The following MSI2 variants were observed in gnomAD, a reference collection of about 807,000 sequenced individuals.
MSI2 encodes musashi RNA binding protein 2.
A neutral mutation model predicts 45.6 loss-of-function variants in MSI2; 17 were observed. The observed-to-expected ratio is 0.37, with a 90% confidence interval of 0.26 to 0.56. The LOEUF is 0.56. Among genes scored for constraint, MSI2 ranks in the 20% least tolerant of loss-of-function variants. The pLI, the probability that MSI2 is intolerant of heterozygous loss-of-function variation, is 0.77. For missense variants in MSI2, 293 were observed against 444.2 expected, an observed-to-expected ratio of 0.66 and a Z score of 3.06; for synonymous variants, 156 against 158.2, an observed-to-expected ratio of 0.99 and a Z score of 0.11.
intron 5 of MSI2, among the ~76,000 whole-genome samples, chr17:57,387,745 G>A (rs973083748): frequency 1.3e-5 from 2 of 152,088 alleles, no homozygotes; most frequent in Admixed American, 6.6e-5. Context: ...TCCTTCTGTT[G>A]TTTAGCCTAT....
intron 5 of MSI2, chr17:57,264,607 C>T (rs1907609865): frequency 6.6e-6 from 1 of 152,212 alleles, no homozygotes; most frequent in Non-Finnish European, 1.5e-5. Flanking sequence ...ATTTATATGC[C>T]AGGCACTATT....
intron 6 of MSI2, among the ~76,000 whole-genome samples, chr17:57,509,717 A>T (rs1171271022): frequency 6.6e-6 from 1 of 150,914 alleles, no homozygotes; most frequent in Non-Finnish European, 1.5e-5. Context: ...CACCATGCCC[A>T]GCTGGTTGCT....
chr17:57,263,491 G>GC (rs1907504490), intron 5 of MSI2: 1 of 152,162 alleles, frequency 6.6e-6, no homozygotes, highest in Admixed American at 6.5e-5. Context: ...ATTTCAGAGG[G>GC]CTTCCCAGAG....
At chr17:57,600,211 G>A (rs1025798998) in intron 8 of MSI2, among the ~76,000 whole-genome samples, 1 of 152,258 alleles carries the variant, frequency 6.6e-6, no homozygotes, top group Non-Finnish European at 1.5e-5. Context: ...GTTAGAATGT[G>A]CATAGGAGTG....
intron 6 of MSI2, among the ~76,000 whole-genome samples, chr17:57,430,171 T>C (rs2084569017): frequency 6.6e-6 from 1 of 152,210 alleles, no homozygotes; most frequent in African/African-American, 2.4e-5. Context: ...CAGTGCCCAT[T>C]CATTGGAAAT....
At chr17:57,350,009 T>G (rs1317450557) in intron 5 of MSI2, among the ~76,000 whole-genome samples, 1 of 152,228 alleles carries the variant, frequency 6.6e-6, no homozygotes, top group Non-Finnish European at 1.5e-5. Flanking sequence ...GCATATCTGG[T>G]GACACCAGTA....
chr17:57,499,136 G>A (rs1295356677), intron 6 of MSI2, among the ~76,000 whole-genome samples: 2 of 152,048 alleles, frequency 1.3e-5, no homozygotes, highest in Admixed American at 1.3e-4. Flanking sequence ...AGCACTTTGG[G>A]AGGCTGAGGC....
the MSI2 span, among the ~76,000 whole-genome samples, chr17:57,693,229 CCAGAGTG>C: frequency 0.14 from 21,415 of 151,964 alleles, 2,150 homozygotes; most frequent in East Asian, 0.49. Context: ...GTCGCCCAGG[CCAGAGTG>C]CAGTGGCGCG....
chr17:57,540,539 C>A (rs8072972), intron 7 of MSI2, among the ~76,000 whole-genome samples: 1 of 152,138 alleles, frequency 6.6e-6, no homozygotes, highest in Non-Finnish European at 1.5e-5. Context: ...GAAAGAGGGT[C>A]TTTGGAGGTG....
At chr17:57,500,267 C>G (rs2086073727) in intron 6 of MSI2, among the ~76,000 whole-genome samples, 1 of 152,082 alleles carries the variant, frequency 6.6e-6, no homozygotes, top group Admixed American at 6.5e-5. Flanking sequence ...AACTCATATC[C>G]TGAGGGATGT....
rs541974506 is a variant in MSI2, at chr17:57,373,331, T to C, written c.313-28048T>C. Among the ~76,000 whole-genome samples the C allele has an allele frequency of 5.3e-5, 8 of 152,276 alleles. No homozygotes were observed. The East Asian group carries it at 1.5e-3, about 29-fold the overall frequency. On this transcript the variant is annotated intron_variant, in intron 5 of 13. Transcript: ENST00000284073. ...AAAACTGAGGCCCAACAAACATTAG[T>C]AATTGCCTCACCCCAGGTCAATCAG...
intron 6 of MSI2, among the ~76,000 whole-genome samples, chr17:57,405,609 C>T (rs945377861): frequency 1.1e-4 from 16 of 152,224 alleles, no homozygotes; most frequent in South Asian, 4.1e-4. Context: ...GACTTCATGA[C>T]GCAGGGACAG....
intron 6 of MSI2, among the ~76,000 whole-genome samples, chr17:57,518,798 C>T (rs1181790543): frequency 6.6e-6 from 1 of 152,222 alleles, no homozygotes; most frequent in Non-Finnish European, 1.5e-5. Flanking sequence ...GTGCTGAACA[C>T]GGGCCTGGAT....
intron 6 of MSI2, among the ~76,000 whole-genome samples, chr17:57,414,619 G>A (rs962680346): frequency 1.3e-5 from 2 of 152,128 alleles, no homozygotes; most frequent in East Asian, 3.9e-4. Context: ...TCAAACTCCT[G>A]GCCTTAAAAG....
chr17:57,344,466 C>A (rs1001713625), intron 5 of MSI2, among the ~76,000 whole-genome samples: 1 of 152,214 alleles, frequency 6.6e-6, no homozygotes, highest in Non-Finnish European at 1.5e-5. Context: ...CCAAGCTCAT[C>A]TTGTGTCTCC....
At chr17:57,453,717 A>G (rs932403266) in intron 6 of MSI2, among the ~76,000 whole-genome samples, 1 of 152,186 alleles carries the variant, frequency 6.6e-6, no homozygotes, top group African/African-American at 2.4e-5. Flanking sequence ...AGTTATTTAT[A>G]TCCTACTGCT....
chr17:57,341,662 C>A (rs1173812656), intron 5 of MSI2, among the ~76,000 whole-genome samples: 1 of 152,200 alleles, frequency 6.6e-6, no homozygotes, highest in East Asian at 1.9e-4. Flanking sequence ...TTGTTGGCAG[C>A]TTTTGCTTTT....
At chr17:57,571,442 C>T (rs2087875744) in intron 7 of MSI2, among the ~76,000 whole-genome samples, 1 of 152,174 alleles carries the variant, frequency 6.6e-6, no homozygotes, top group African/African-American at 2.4e-5. Flanking sequence ...CCAGGCCCCG[C>T]TCCTCCCAGG....
chr17:57,381,533 C>G (rs115398553), intron 5 of MSI2, among the ~76,000 whole-genome samples: 1,763 of 152,236 alleles, frequency 0.012, 37 homozygotes, highest in African/African-American at 0.039. Flanking sequence ...CCTTCTTGTT[C>G]CTGTCCTGTA....
Sources: gnomAD v4.1 joint callset for allele counts (sites outside exome capture counted in the v4.1 genomes callset) on GRCh38, gnomAD v4.1.1 for gene constraint, MANE v1.5 for transcripts, NCBI Gene and HGNC (gene_info 2026-07-23, HGNC 2026-07-21) for gene names.